GLYATL2: variants seen among roughly 807,000 people sequenced by gnomAD.
GLYATL2 encodes the protein glycine N-acyltransferase-like protein 2.
In GLYATL2, 25 loss-of-function variants were observed where a neutral mutation model predicts 21.4. The observed-to-expected ratio is 1.17, with a 90% CI of 0.85 to 1.63. The LOEUF (loss-of-function observed/expected upper bound fraction) is 1.63. Ranked by LOEUF, GLYATL2 falls within the 40% of genes most tolerant of loss-of-function variation. The pLI, the probability that GLYATL2 is intolerant of heterozygous loss-of-function variation, is 0.00. For synonymous variants in GLYATL2, 114 were observed against 118.2 expected (o/e 0.96, Z 0.23); for missense variants, 361 against 343.3 (o/e 1.05, Z -0.41).
rs186620981 is a variant in GLYATL2 at position 58,892,975 on chromosome 11, G to A, written n.60+11181C>T. Reference sequence around the variant, plus strand: ...TAAAGGTTGTCAATGGTCAAAATACGCAACTTTGCAATGGTAGGTCTTCAA... The same window carrying A: ...TAAAGGTTGTCAATGGTCAAAATACACAACTTTGCAATGGTAGGTCTTCAA... On this transcript the variant is annotated intron_variant and non_coding_transcript_variant, in intron 1 of 4. Transcript: ENST00000533636. The A allele has an allele frequency of 5.7e-4, 171 of 299,152 alleles. 2 individuals are homozygous for A. The East Asian group carries it at 0.011, about 19-fold the overall frequency. The allele number at this position is 299,152 out of a possible 1,614,324, so 18.5% of individuals were successfully genotyped here.
At chr11:58,884,935 G>C (rs973713585) in intron 1 of GLYATL2, 13 of 157,540 alleles carry the variant, frequency 8.3e-5, no homozygotes, top group African/African-American at 3.1e-4. Flanking sequence ...AAGGAATGAA[G>C]CATCCCACAA....
chr11:58,874,646 C>T (rs1335775219), intron 1 of GLYATL2, among the ~76,000 whole-genome samples: 1 of 152,194 alleles, frequency 6.6e-6, no homozygotes, highest in South Asian at 2.1e-4. Flanking sequence ...GCACTGTGGT[C>T]TGAGAAACAG....
intron 1 of GLYATL2, among the ~76,000 whole-genome samples, chr11:58,893,926 C>T (rs1289115925): frequency 1.3e-5 from 2 of 152,072 alleles, no homozygotes; most frequent in Non-Finnish European, 2.9e-5. Context: ...TGGAATCAGC[C>T]TCTTATTTTA....
chr11:58,906,332 G>C (rs1395091939), upstream of GLYATL2, among the ~76,000 whole-genome samples: 1 of 152,206 alleles, frequency 6.6e-6, no homozygotes, highest in African/African-American at 2.4e-5. Context: ...AATCTCAAGA[G>C]TGTCGTTTGA....
upstream of GLYATL2, chr11:58,905,472 GGCTATTCCCCTTGCA>G (rs1854842143): frequency 2.2e-6 from 1 of 456,138 alleles, no homozygotes; most frequent in Admixed American, 2.3e-5. Context: ...CACCTTGGCG[GGCTATTCCCCTTGCA>G]GCTCTCCTCA....
At chr11:58,860,103 C>A (rs2134593847) in intron 1 of GLYATL2, among the ~76,000 whole-genome samples, 1 of 152,144 alleles carries the variant, frequency 6.6e-6, no homozygotes, top group African/African-American at 2.4e-5. Flanking sequence ...TCTTAGGGAT[C>A]TTTTGTGATT....
chr11:58,847,067 A>G (rs909806691), upstream of GLYATL2, among the ~76,000 whole-genome samples: 7 of 152,086 alleles, frequency 4.6e-5, no homozygotes, highest in Non-Finnish European at 8.8e-5. Context: ...GCTCCCAGAC[A>G]ACATTTCTAG....
upstream of GLYATL2, chr11:58,907,806 T>A (rs1015946278): frequency 1.1e-5 from 2 of 180,422 alleles, no homozygotes; most frequent in Admixed American, 5.5e-5. Flanking sequence ...CATTTCATAC[T>A]TTCAAAGCTT....
At chr11:58,894,660 G>C (rs889952730) in intron 1 of GLYATL2, among the ~76,000 whole-genome samples, 34 of 152,138 alleles carry the variant, frequency 2.2e-4, no homozygotes, top group Admixed American at 2.0e-3. Context: ...TGATTTTAAA[G>C]TGTGCAGTTC....
At chr11:58,890,856 C>A (rs1183803307) in intron 1 of GLYATL2, among the ~76,000 whole-genome samples, 1 of 151,710 alleles carries the variant, frequency 6.6e-6, no homozygotes, top group Non-Finnish European at 1.5e-5. Flanking sequence ...CCCTCTCTCT[C>A]TTCTTCTCTC....
chr11:58,882,662 G>A (rs762584248), intron 1 of GLYATL2, among the ~76,000 whole-genome samples: 5 of 152,058 alleles, frequency 3.3e-5, no homozygotes, highest in East Asian at 1.9e-4. Flanking sequence ...TGCCCATGCC[G>A]ATGTCCTGAA....
intron 1 of GLYATL2, among the ~76,000 whole-genome samples, chr11:58,866,810 G>A: frequency 6.7e-6 from 1 of 149,018 alleles, no homozygotes; most frequent in South Asian, 2.1e-4. Flanking sequence ...AGTTAGATTG[G>A]GATAGGGTGA....
chr11:58,875,259 C>A (rs368955793), intron 1 of GLYATL2, among the ~76,000 whole-genome samples: 2 of 151,964 alleles, frequency 1.3e-5, no homozygotes, highest in African/African-American at 4.8e-5. Context: ...CCAGTCTGTG[C>A]CTTTTAATTG....
chr11:58,869,238 G>A (rs948889642), intron 1 of GLYATL2, among the ~76,000 whole-genome samples: 8 of 152,158 alleles, frequency 5.3e-5, no homozygotes, highest in East Asian at 3.8e-4. Context: ...TTGATAAACC[G>A]ATATTCTTTT....
At chr11:58,873,163 T>C (rs1009049595) in intron 1 of GLYATL2, among the ~76,000 whole-genome samples, 148 of 151,246 alleles carry the variant, frequency 9.8e-4, no homozygotes, top group African/African-American at 3.2e-3. Context: ...TGAAGTTGTT[T>C]ATCAGATTAA....
chr11:58,839,419 C>A, intron 2 of GLYATL2, 116 bp downstream of exon 2: 1 of 570,110 alleles, frequency 1.8e-6, no homozygotes. Context: ...GTAATCTTTG[C>A]ACAGATTCTC....
chr11:58,874,998 G>T (rs992472189), intron 1 of GLYATL2, among the ~76,000 whole-genome samples: 1 of 152,206 alleles, frequency 6.6e-6, no homozygotes, highest in Non-Finnish European at 1.5e-5. Flanking sequence ...ATATATTTAG[G>T]ATAGTTAGTT....
intron 1 of GLYATL2, among the ~76,000 whole-genome samples, chr11:58,873,919 A>T (rs1469951709): frequency 6.6e-6 from 1 of 151,956 alleles, no homozygotes; most frequent in Non-Finnish European, 1.5e-5. Context: ...CTGGTCCTGG[A>T]CTTTTTTTGG....
At chr11:58,839,225 C>T (rs1398631994) in intron 2 of GLYATL2, among the ~76,000 whole-genome samples, 2 of 152,026 alleles carry the variant, frequency 1.3e-5, no homozygotes, top group African/African-American at 2.4e-5. Context: ...CTATATGTGT[C>T]ATATAGATGA....
Sources: allele counts gnomAD v4.1 joint callset (sites outside exome capture counted in the v4.1 genomes callset), GRCh38; gene constraint gnomAD v4.1.1; transcripts MANE v1.5; gene names NCBI Gene and HGNC (gene_info 2026-07-23, HGNC 2026-07-21).